Variants in GALM observed in about 807,000 individuals in gnomAD.
The protein encoded by GALM is aldose 1-epimerase.
A neutral mutation model predicts 37.4 loss-of-function variants in GALM; 43 were observed. That is an observed-to-expected ratio of 1.15 (90% CI 0.90 to 1.48). GALM has a LOEUF of 1.48. Among genes scored for constraint, GALM ranks in the 40% most tolerant of loss-of-function variants. The pLI is 0.00. For synonymous variants in GALM, 199 were observed against 170.6 expected, an observed-to-expected ratio of 1.17 and a Z score of -1.30; for missense variants, 456 against 419.1, an observed-to-expected ratio of 1.09 and a Z score of -0.77.
chr2:38,717,619 C>T (rs1487562886), intron 4 of GALM, among the ~76,000 whole-genome samples: 2 of 151,986 alleles, frequency 1.3e-5, no homozygotes, highest in South Asian at 2.1e-4. Context: ...AGGCTGGTCT[C>T]GAACTCCCGG....
Position 38,675,832 on chromosome 2 carries a change from G to C in GALM, c.191-80G>C. ...GATCCGCCTGCCTCGGCCTCCCATA[G>C]TGCTGGGATTACAGGTGTGAGCCAC... On this transcript the variant is annotated intron_variant, in intron 1 of 6. Coordinates refer to ENST00000272252, the MANE Select transcript of GALM (RefSeq NM_138801.3). 15 of 1,350,326 alleles carry C rather than the reference G, an allele frequency of 1.1e-5. No individual in the cohort carries two copies. In the South Asian group the frequency reaches 1.8e-4, roughly 16 times the overall value. 83.6% of individuals were successfully genotyped at this position (1,350,326 alleles called of 1,614,324 possible).
chr2:38,710,912 C>T (rs991421830), intron 4 of GALM, among the ~76,000 whole-genome samples: 23 of 151,572 alleles, frequency 1.5e-4, no homozygotes, highest in African/African-American at 5.6e-4. Flanking sequence ...TGCCACCACA[C>T]CCAGCAAATT....
At chr2:38,718,075 G>A (rs924325468) in intron 4 of GALM, among the ~76,000 whole-genome samples, 1 of 151,684 alleles carries the variant, frequency 6.6e-6, no homozygotes, top group Non-Finnish European at 1.5e-5. Context: ...GGGCTCAAGA[G>A]ATCCTCCCAT....
intron 4 of GALM, among the ~76,000 whole-genome samples, chr2:38,699,047 G>C (rs1274668307): frequency 6.6e-6 from 1 of 152,088 alleles, no homozygotes; most frequent in Non-Finnish European, 1.5e-5. Flanking sequence ...CCGAGTAGCT[G>C]GGATTACAAA....
chr2:38,715,609 T>A (rs1666254807), intron 4 of GALM, among the ~76,000 whole-genome samples: 1 of 152,112 alleles, frequency 6.6e-6, no homozygotes, highest in African/African-American at 2.4e-5. Flanking sequence ...GGCTAATTTT[T>A]GTATTTTTTG....
chr2:38,682,349 T>G (rs551554514), intron 3 of GALM: 48 of 415,436 alleles, frequency 1.2e-4, no homozygotes, highest in African/African-American at 9.3e-4. Flanking sequence ...GAACTCATCA[T>G]TGTCTACTAT....
intron 2 of GALM, among the ~76,000 whole-genome samples, chr2:38,676,705 G>A (rs77323882): frequency 0.096 from 14,551 of 152,266 alleles, 1,168 homozygotes; most frequent in East Asian, 0.32. Flanking sequence ...GGAAGTTACA[G>A]TGAGCTGAGA....
intron 2 of GALM, among the ~76,000 whole-genome samples, chr2:38,678,954 C>T (rs534567453): frequency 6.6e-6 from 1 of 152,206 alleles, no homozygotes; most frequent in East Asian, 1.9e-4. Context: ...AGTTTGAACC[C>T]CAGCTCTGTC....
chr2:38,691,740 A>T (rs72795176), intron 4 of GALM, among the ~76,000 whole-genome samples: 36,170 of 141,014 alleles, frequency 0.26, 5,448 homozygotes, highest in Non-Finnish European at 0.33. Context: ...TTTTTTTTTT[A>T]AAAAAGACCA....
intron 4 of GALM, among the ~76,000 whole-genome samples, chr2:38,705,175 C>T (rs1666012733): frequency 6.6e-6 from 1 of 152,198 alleles, no homozygotes; most frequent in Non-Finnish European, 1.5e-5. Flanking sequence ...ATCTACCCTT[C>T]CTCCAGCCCA....
At chr2:38,715,061 T>A (rs1194556020) in intron 4 of GALM, among the ~76,000 whole-genome samples, 1 of 152,222 alleles carries the variant, frequency 6.6e-6, no homozygotes, top group Admixed American at 6.5e-5. Context: ...GAATACATAT[T>A]TACAATTGTC....
intron 1 of GALM, chr2:38,669,608 G>C (rs1665039044): frequency 6.6e-6 from 1 of 152,064 alleles, no homozygotes. Context: ...TTTTTTGCCG[G>C]GCACGGTGGC....
chr2:38,705,061 G>A (rs1460377069), intron 4 of GALM, among the ~76,000 whole-genome samples: 1 of 152,198 alleles, frequency 6.6e-6, no homozygotes, highest in Non-Finnish European at 1.5e-5. Context: ...GCCAGGCGAT[G>A]TGTAATTCCT....
intron 4 of GALM, among the ~76,000 whole-genome samples, chr2:38,724,410 T>G (rs1197010262): frequency 6.6e-6 from 1 of 152,210 alleles, no homozygotes; most frequent in Non-Finnish European, 1.5e-5. Context: ...AGAAATTATG[T>G]TAGAGAATAT....
chr2:38,666,284 A>C lies in GALM; in HGVS notation c.123A>C (p.Thr41=), dbSNP rs191884200. The C allele has an allele frequency of 6.2e-6, 10 of 1,614,120 alleles. No homozygotes were observed. The East Asian group carries it at 2.2e-4, about 36-fold the overall frequency. The change falls in exon 1 of 7, where the codon ACA becomes ACC. Residue 41 remains threonine, a synonymous_variant. Coordinates refer to ENST00000272252, the MANE Select transcript of GALM (RefSeq NM_138801.3). The part of the protein sequence containing the change: ...VDIISWGCTI[T]ALEVKDRQGR... ...TCATCTCCTGGGGCTGCACGATCACAGCCCTAGAGGTCAAAGACAGGCAGG... is the reference window on the plus strand; with the variant it reads ...TCATCTCCTGGGGCTGCACGATCACCGCCCTAGAGGTCAAAGACAGGCAGG...
chr2:38,690,126 T>A (rs1378387818), intron 4 of GALM, among the ~76,000 whole-genome samples: 1 of 152,180 alleles, frequency 6.6e-6, no homozygotes, highest in Admixed American at 6.5e-5. Flanking sequence ...TTTCTGTAAG[T>A]CTAAAATTAT....
At chr2:38,701,030 A>T (rs541102011) in intron 4 of GALM, among the ~76,000 whole-genome samples, 1 of 152,184 alleles carries the variant, frequency 6.6e-6, no homozygotes, top group South Asian at 2.1e-4. Flanking sequence ...TTTGTCTGAG[A>T]CATGTCAGGC....
At position 38,685,547 on chromosome 2, in the gene GALM, C is replaced by T. The variant is rs962584725; in HGVS notation, c.552+4061C>T. Among the ~76,000 whole-genome samples, 11 of 152,284 alleles carry T rather than the reference C, an allele frequency of 7.2e-5. 1 individual carries two copies. In the South Asian group the frequency reaches 2.3e-3, roughly 32 times the overall value. ...CAAGCAAAGTTAACCAAAACAAACA[C>T]TGAACCCAGAGATGGGCCTCAAGGT... On this transcript the variant is annotated intron_variant, in intron 3 of 6. Coordinates refer to ENST00000272252, the MANE Select transcript of GALM (RefSeq NM_138801.3).
intron 4 of GALM, among the ~76,000 whole-genome samples, chr2:38,717,306 AGTGTGTGTGTGT>A (rs56902027): frequency 0.027 from 3,908 of 143,734 alleles, 88 homozygotes; most frequent in Non-Finnish European, 0.044. Context: ...GTATTAAGGG[AGTGTGTGTGTGT>A]GTGTGTGTGT....
Sources: allele counts gnomAD v4.1 joint callset (sites outside exome capture counted in the v4.1 genomes callset), GRCh38; gene constraint gnomAD v4.1.1; transcripts MANE v1.5; gene names NCBI Gene and HGNC (gene_info 2026-07-23, HGNC 2026-07-21).